The following BCR variants were observed in gnomAD, a reference collection of about 807,000 sequenced individuals.
BCR encodes the protein BCR activator of RhoGEF and GTPase, also known as breakpoint cluster region protein.
Under a neutral mutation model 138.6 loss-of-function variants are expected in BCR, and 58 were observed. The ratio of observed to expected loss-of-function variants is 0.42; its 90% CI spans 0.34 to 0.52. BCR has a LOEUF of 0.52. Ranked by LOEUF, BCR falls within the 20% of genes least tolerant of loss-of-function variation. The probability of loss-of-function intolerance (pLI) is 0.06; values close to 1 mark genes in which losing one functional copy is unlikely to be tolerated. For synonymous variants in BCR, 786 were observed against 730.1 expected (o/e 1.08, Z -1.23); for missense variants, 1,599 against 1,727.2 (o/e 0.93, Z 1.32).
chr22:23,288,771 T>C (rs1049678567), intron 12 of BCR, among the ~76,000 whole-genome samples: 2 of 152,192 alleles, frequency 1.3e-5, no homozygotes, highest in Non-Finnish European at 2.9e-5. Context: ...CTTCCTTCTC[T>C]GGGCACTTCC....
chr22:23,314,718 T>C lies in BCR; in HGVS notation c.3726+4T>C, dbSNP rs756975411. 186 of 1,611,588 alleles carry C rather than the reference T, an allele frequency of 1.2e-4. 2 individuals are homozygous for C. In the South Asian group the frequency reaches 2.0e-3, roughly 17 times the overall value. On this transcript the variant is annotated splice_donor_region_variant and intron_variant, in intron 22 of 22. Coordinates refer to ENST00000305877, the MANE Select transcript of BCR (RefSeq NM_004327.4). ...GTCCTTGGAGGTCATGTCCCAGGTA[T>C]GGGAAGACAGGCTCCAGCCCATGCA...
chr22:23,262,531 GCC>G (rs1412248736), intron 4 of BCR, among the ~76,000 whole-genome samples: 1 of 152,216 alleles, frequency 6.6e-6, no homozygotes, highest in South Asian at 2.1e-4. Flanking sequence ...GATACATGCT[GCC>G]CCCTCCATCT....
chr22:23,207,111 C>T (rs925038392), intron 1 of BCR, among the ~76,000 whole-genome samples: 1 of 152,252 alleles, frequency 6.6e-6, no homozygotes, highest in African/African-American at 2.4e-5. Flanking sequence ...CATCCTCCAA[C>T]CATTCATCTG....
intron 1 of BCR, among the ~76,000 whole-genome samples, chr22:23,218,308 C>G (rs768992290): frequency 1.3e-5 from 2 of 152,216 alleles, no homozygotes; most frequent in African/African-American, 2.4e-5. Context: ...TGCCTCACGC[C>G]CAGGGTGACC....
At chr22:23,264,132 A>G in intron 4 of BCR, 1 of 1,521,456 alleles carries the variant, frequency 6.6e-7, no homozygotes, top group Non-Finnish European at 9.1e-7. Context: ...GCCCCACAAC[A>G]GCACCCTGTA....
At chr22:23,227,529 A>G (rs372206153) in intron 1 of BCR, among the ~76,000 whole-genome samples, 2 of 152,256 alleles carry the variant, frequency 1.3e-5, no homozygotes, top group Admixed American at 1.3e-4. Context: ...GAAGCGTGAG[A>G]GATCCCCATC....
intron 2 of BCR, chr22:23,254,512 G>A (rs1450055970): frequency 1.9e-6 from 1 of 519,074 alleles, no homozygotes. Flanking sequence ...TGGCTAGTGA[G>A]TAGCGGCACA....
At chr22:23,211,325 G>A (rs1425013360) in intron 1 of BCR, among the ~76,000 whole-genome samples, 2 of 151,504 alleles carry the variant, frequency 1.3e-5, no homozygotes, top group African/African-American at 2.4e-5. Context: ...AGCCTCCCAA[G>A]TAGCTGGGAC....
intron 11 of BCR, 133 bp from the exon 12 acceptor site, chr22:23,287,964 C>A: frequency 1.2e-6 from 1 of 816,170 alleles, no homozygotes; most frequent in Non-Finnish European, 2.1e-6. Flanking sequence ...CATGCCAGGC[C>A]GTGAGCACAC....
At chr22:23,312,041 C>T in intron 19 of BCR, 1 of 1,007,914 alleles carries the variant, frequency 9.9e-7, no homozygotes. Context: ...CCTAGCCATG[C>T]ATGCCACTTG....
intron 1 of BCR, among the ~76,000 whole-genome samples, chr22:23,220,776 C>G (rs2072815732): frequency 6.6e-6 from 1 of 152,236 alleles, no homozygotes; most frequent in Non-Finnish European, 1.5e-5. Flanking sequence ...AACCTCCACC[C>G]TCACTGCTTC....
chr22:23,293,916 C>T (rs902701956), intron 15 of BCR, among the ~76,000 whole-genome samples: 8 of 152,012 alleles, frequency 5.3e-5, no homozygotes, highest in East Asian at 1.9e-4. Flanking sequence ...CGGTGTGAAG[C>T]GCAGATTCAC....
rs752113949 is a variant in BCR at position 23,181,451 on chromosome 22, G to T, written c.491G>T (p.Gly164Val). 2 of 1,605,944 alleles carry T rather than the reference G, an allele frequency of 1.2e-6. No individual in the cohort carries two copies. Among genetic ancestry groups the T allele is most frequent in the Non-Finnish European group, 1.7e-6 (2 of 1,175,406 alleles). Reference protein sequence around the residue: ...LRSNFERIRKGHGQPGADAEK... With the variant: ...LRSNFERIRKVHGQPGADAEK... ...TCCAACTTCGAGCGGATCCGCAAGG[G>T]CCATGGCCAGCCCGGGGCGGACGCC... The change falls in exon 1 of 23, where the codon GGC becomes GTC. Residue 164 changes from glycine to valine, a missense_variant. This residue lies in a region of BCR where 806 missense variants were observed against 635.0 expected (regional missense o/e 1.27). Transcript: ENST00000305877.
chr22:23,289,183 G>C (rs900075398), intron 12 of BCR, among the ~76,000 whole-genome samples: 12 of 152,246 alleles, frequency 7.9e-5, no homozygotes, highest in African/African-American at 2.7e-4. Context: ...CCATGCTGCT[G>C]TCTGTATGGG....
Position 23,278,206 on chromosome 22 carries a change from A to G in BCR, c.2115+4432A>G, listed in dbSNP as rs117756590. Among the ~76,000 whole-genome samples the G allele has an allele frequency of 1.4e-4, 22 of 152,332 alleles. 1 individual carries two copies. In the East Asian group the frequency reaches 4.2e-3, roughly 29 times the overall value. On this transcript the variant is annotated intron_variant, in intron 8 of 22. Transcript: ENST00000305877. ...GGCTCGGAAGCATAGCGGACGATCC[A>G]GTTTGGATGTTCTGTTTCCCAAGAG... is the stretch of plus-strand genomic sequence containing the variant.
chr22:23,298,659 C>A (rs1188882276), intron 16 of BCR, among the ~76,000 whole-genome samples: 10 of 150,596 alleles, frequency 6.6e-5, no homozygotes, highest in Admixed American at 6.6e-4. Context: ...GCAGCGGTGC[C>A]ATCTCAGCTT....
chr22:23,262,938 G>A lies in BCR; in HGVS notation c.1752+1398G>A, dbSNP rs57010882. On this transcript the variant is annotated intron_variant, in intron 4 of 22. Transcript: ENST00000305877. ...CCCAAGAGAGGAAGCAGAGGGAGGC[G>A]GAAGCGTGGAGGAAGGGGCGAGAGG... 3 of 1,094,608 alleles carry A rather than the reference G, an allele frequency of 2.7e-6. No homozygotes were observed. The African/African-American group carries it at 5.0e-5, about 18-fold the overall frequency. The allele number at this position is 1,094,608 out of a possible 1,614,324, so 67.8% of individuals were successfully genotyped here. A position where few individuals can be genotyped will look rare whatever the true frequency, so the allele number is the denominator to read the frequency against.
chr22:23,266,379 G>A (rs1189542355), intron 4 of BCR, among the ~76,000 whole-genome samples: 2 of 149,730 alleles, frequency 1.3e-5, no homozygotes, highest in South Asian at 2.1e-4. Flanking sequence ...ATGAGCCACC[G>A]CACCCTGCCT....
At chr22:23,306,338 C>G (rs2073954232) in intron 16 of BCR, 1 of 152,316 alleles carries the variant, frequency 6.6e-6, no homozygotes, top group Non-Finnish European at 1.5e-5. Context: ...AGCCAGCTAG[C>G]TCTGGGGGAG....
Sources: gnomAD v4.1 joint callset for allele counts (sites outside exome capture counted in the v4.1 genomes callset) on GRCh38, gnomAD v4.1.1 for gene constraint, gnomAD v4.1.1 regional missense constraint, MANE v1.5 for transcripts, NCBI Gene and HGNC (gene_info 2026-07-23, HGNC 2026-07-21) for gene names.